The following ADGRL2 variants were observed in gnomAD, a reference collection of about 807,000 sequenced individuals.
ADGRL2 encodes calcium-independent alpha-latrotoxin receptor 2.
In ADGRL2, 44 loss-of-function variants were observed where a neutral mutation model predicts 157.4. The observed-to-expected ratio is 0.28, with a 90% CI of 0.22 to 0.36. The LOEUF (loss-of-function observed/expected upper bound fraction) is 0.36, where lower values mean the gene tolerates loss of function less well. Ranked by LOEUF, ADGRL2 falls within the 10% of genes least tolerant of loss-of-function variation. The probability of loss-of-function intolerance (pLI) is 1.00; values close to 1 mark genes in which losing one functional copy is unlikely to be tolerated. For synonymous variants in ADGRL2, 585 were observed against 624.7 expected (o/e 0.94, Z 0.95); for missense variants, 1,510 against 1,768.9 (o/e 0.85, Z 2.63).
intron 1 of ADGRL2, among the ~76,000 whole-genome samples, chr1:81,341,708 C>G (rs1394899966): frequency 2.1e-5 from 3 of 141,614 alleles, no homozygotes; most frequent in Non-Finnish European, 4.8e-5. Flanking sequence ...TTCTACCTTT[C>G]TATAAAAACA....
chr1:81,694,472 A>G (rs2083403663), intron 3 of ADGRL2, among the ~76,000 whole-genome samples: 1 of 152,000 alleles, frequency 6.6e-6, no homozygotes, highest in Non-Finnish European at 1.5e-5. Context: ...GATTAGCATT[A>G]CTATAACATA....
At chr1:81,959,569 C>T (rs1002067284) in intron 11 of ADGRL2, among the ~76,000 whole-genome samples, 1 of 152,056 alleles carries the variant, frequency 6.6e-6, no homozygotes, top group Non-Finnish European at 1.5e-5. Context: ...TCCTCTCACT[C>T]TTGTAATATT....
intron 1 of ADGRL2, among the ~76,000 whole-genome samples, chr1:81,326,997 G>T (rs922852752): frequency 6.6e-6 from 1 of 152,144 alleles, no homozygotes; most frequent in African/African-American, 2.4e-5. Context: ...CCCTGCAGCG[G>T]ACTGGCAGGC....
intron 2 of ADGRL2, among the ~76,000 whole-genome samples, chr1:81,887,429 A>G (rs527412633): frequency 8.9e-4 from 136 of 152,354 alleles, no homozygotes; most frequent in Non-Finnish European, 1.5e-3. Context: ...AGTGGGTTAC[A>G]ATCATCACTT....
At chr1:81,318,843 A>G (rs1480686452) in intron 1 of ADGRL2, among the ~76,000 whole-genome samples, 3 of 149,632 alleles carry the variant, frequency 2.0e-5, no homozygotes, top group Non-Finnish European at 3.0e-5. Context: ...TTCTTCAACT[A>G]CTTTAATCAT....
intron 2 of ADGRL2, among the ~76,000 whole-genome samples, chr1:81,513,132 C>G (rs1229046023): frequency 6.6e-6 from 1 of 152,090 alleles, no homozygotes; most frequent in African/African-American, 2.4e-5. Context: ...GCTTATTTCT[C>G]TTTTTAATGC....
At chr1:81,394,089 A>T (rs10782757) in intron 1 of ADGRL2, among the ~76,000 whole-genome samples, 65,093 of 151,600 alleles carry the variant, frequency 0.43, 15,410 homozygotes, top group East Asian at 0.9. Flanking sequence ...GCCTGTTTTT[A>T]AAAAAAATGC....
At chr1:81,666,316 A>T (rs1252934156) in intron 3 of ADGRL2, among the ~76,000 whole-genome samples, 1 of 152,106 alleles carries the variant, frequency 6.6e-6, no homozygotes, top group Non-Finnish European at 1.5e-5. Context: ...GTTTCTGTGG[A>T]CTCTGCACTT....
chr1:81,918,808 CAATT>C (rs536360785), intron 3 of ADGRL2, among the ~76,000 whole-genome samples: 377 of 152,194 alleles, frequency 2.5e-3, no homozygotes, highest in Middle Eastern at 0.01. Context: ...GAATATCAGG[CAATT>C]AATTAAAATG....
intron 2 of ADGRL2, among the ~76,000 whole-genome samples, chr1:81,862,796 A>G (rs2093427747): frequency 6.6e-6 from 1 of 152,174 alleles, no homozygotes; most frequent in African/African-American, 2.4e-5. Flanking sequence ...CATCTGATAC[A>G]GAGGAGATAA....
At chr1:81,722,864 C>T in intron 1 of ADGRL2, 1 of 710,254 alleles carries the variant, frequency 1.4e-6, no homozygotes. Flanking sequence ...TGGTAATTTT[C>T]CCAGAGGAAT....
intron 2 of ADGRL2, among the ~76,000 whole-genome samples, chr1:81,510,971 T>C (rs2079064988): frequency 6.6e-6 from 1 of 152,194 alleles, no homozygotes; most frequent in Admixed American, 6.5e-5. Flanking sequence ...ATATTAACTC[T>C]GAATATAATC....
intron 2 of ADGRL2, among the ~76,000 whole-genome samples, chr1:81,462,828 A>T (rs554625860): frequency 6.6e-6 from 1 of 152,262 alleles, no homozygotes; most frequent in South Asian, 2.1e-4. Context: ...GGACAGAAAA[A>T]TAAGTTGGCT....
intron 1 of ADGRL2, among the ~76,000 whole-genome samples, chr1:81,417,959 T>TA (rs985122111): frequency 1.5e-4 from 23 of 152,222 alleles, no homozygotes; most frequent in Non-Finnish European, 2.9e-4. Flanking sequence ...CTTCTTTTTT[T>TA]AAAAAAATGT....
At chr1:81,568,162 T>C (rs1033768677) in intron 2 of ADGRL2, among the ~76,000 whole-genome samples, 17 of 152,110 alleles carry the variant, frequency 1.1e-4, no homozygotes, top group Non-Finnish European at 1.9e-4. Flanking sequence ...AGTGGTGTTT[T>C]CCACTGTTAA....
chr1:81,741,599 G>A (rs2085076262), intron 1 of ADGRL2, among the ~76,000 whole-genome samples: 1 of 151,930 alleles, frequency 6.6e-6, no homozygotes, highest in South Asian at 2.1e-4. Context: ...AGCAAATGCA[G>A]TAATAGCCCC....
At chr1:81,661,897 C>T (rs1217008279) in intron 3 of ADGRL2, among the ~76,000 whole-genome samples, 2 of 152,158 alleles carry the variant, frequency 1.3e-5, no homozygotes, top group Admixed American at 6.5e-5. Context: ...TATCCTCTAA[C>T]AGTCTGTATA....
chr1:81,504,250 C>G (rs2078919674), intron 2 of ADGRL2, among the ~76,000 whole-genome samples: 1 of 152,106 alleles, frequency 6.6e-6, no homozygotes, highest in Non-Finnish European at 1.5e-5. Context: ...TTCCCAAAAA[C>G]AGCCCACTCA....
chr1:81,894,395 G>A (rs1375523671), intron 2 of ADGRL2, among the ~76,000 whole-genome samples: 3 of 152,060 alleles, frequency 2.0e-5, no homozygotes, highest in African/African-American at 7.2e-5. Context: ...AGCATTCATT[G>A]AGAAAAGTAA....
Sources: allele counts gnomAD v4.1 joint callset (sites outside exome capture counted in the v4.1 genomes callset), GRCh38; gene constraint gnomAD v4.1.1; transcripts MANE v1.5; gene names NCBI Gene and HGNC (gene_info 2026-07-23, HGNC 2026-07-21).